The following ABAT variants were observed in gnomAD, a reference collection of about 807,000 sequenced individuals.
The protein encoded by ABAT is 4-aminobutyrate aminotransferase, mitochondrial.
ABAT carries 45 observed loss-of-function variants against 64.6 expected under a neutral mutation model. The observed-to-expected ratio is 0.70, with a 90% CI of 0.55 to 0.89. The LOEUF is 0.89. ABAT is among the 40% of genes least tolerant of loss of function. ABAT has a pLI of 0.00. For synonymous variants in ABAT, 297 were observed against 250.5 expected (o/e 1.19, Z -1.75); for missense variants, 633 against 658.4 (o/e 0.96, Z 0.42).
At chr16:8,758,481 A>G (rs1275808443) in intron 6 of ABAT, among the ~76,000 whole-genome samples, 1 of 152,156 alleles carries the variant, frequency 6.6e-6, no homozygotes, top group Non-Finnish European at 1.5e-5. Context: ...GAGGGACCCA[A>G]GGAGGACTGG....
intron 2 of ABAT, among the ~76,000 whole-genome samples, chr16:8,742,255 A>C (rs1427982981): frequency 6.6e-6 from 1 of 152,082 alleles, no homozygotes; most frequent in African/African-American, 2.4e-5. Flanking sequence ...TTCTCTCTGG[A>C]TCCATTCAGC....
In ABAT at chr16:8,783,039, C is replaced by A. The variant is rs765904429; in HGVS notation, c.*1609C>A. On this transcript the variant is annotated 3_prime_UTR_variant, in exon 16 of 16. Coordinates refer to ENST00000268251, the MANE Select transcript of ABAT (RefSeq NM_020686.6). The stretch of plus-strand genomic sequence containing the variant: ...TTTAACATATACAAATTCGTGAATT[C>A]TTGTTCATTTTGCATTCCTGCAGTC... 5 of 151,928 alleles carry A rather than the reference C, an allele frequency of 3.3e-5. No homozygotes were observed. 9.4% of individuals were successfully genotyped at this position (151,928 alleles called of 1,614,324 possible).
At chr16:8,755,473 C>T (rs1253076050) in intron 5 of ABAT, among the ~76,000 whole-genome samples, 1 of 152,224 alleles carries the variant, frequency 6.6e-6, no homozygotes, top group Non-Finnish European at 1.5e-5. Flanking sequence ...TCAAGTCAAA[C>T]AAATGAGGTC....
intron 1 of ABAT, among the ~76,000 whole-genome samples, chr16:8,700,150 G>A (rs2057787807): frequency 6.6e-6 from 1 of 152,028 alleles, no homozygotes; most frequent in Non-Finnish European, 1.5e-5. Flanking sequence ...TGCTTGTCCT[G>A]AACGCACACT....
intron 6 of ABAT, among the ~76,000 whole-genome samples, chr16:8,763,372 C>T (rs1352234245): frequency 2.0e-5 from 3 of 152,110 alleles, no homozygotes; most frequent in South Asian, 4.1e-4. Flanking sequence ...ACTGAGTGAT[C>T]GTGAAGCAGA....
chr16:8,749,647 C>T (rs2059424207), intron 4 of ABAT, among the ~76,000 whole-genome samples: 1 of 151,916 alleles, frequency 6.6e-6, no homozygotes, highest in South Asian at 2.1e-4. Flanking sequence ...CCACCTGCCT[C>T]AGCTTCCCAA....
chr16:8,737,236 TG>T (rs2058970552), intron 2 of ABAT: 2 of 152,258 alleles, frequency 1.3e-5, no homozygotes, highest in South Asian at 4.1e-4. Context: ...CCCAGCACTT[TG>T]GGAGGCGAGG....
At chr16:8,761,280 AC>A (rs1206807087) in intron 6 of ABAT, among the ~76,000 whole-genome samples, 1 of 146,990 alleles carries the variant, frequency 6.8e-6, no homozygotes, top group Non-Finnish European at 1.5e-5. Flanking sequence ...TCTGCCAGCA[AC>A]CTCTCCCCAT....
At chr16:8,778,776 C>CAAAAA (rs71152934) in intron 14 of ABAT, among the ~76,000 whole-genome samples, 8 of 133,640 alleles carry the variant, frequency 6.0e-5, no homozygotes, top group African/African-American at 2.0e-4. Flanking sequence ...GACTCCATCT[C>CAAAAA]AAAAAAAAAA....
At chr16:8,722,050 G>A (rs974945440) in intron 1 of ABAT, among the ~76,000 whole-genome samples, 3 of 152,260 alleles carry the variant, frequency 2.0e-5, no homozygotes, top group African/African-American at 4.8e-5. Flanking sequence ...ATTTACTGAT[G>A]GATTTAAATT....
chr16:8,750,051 C>T (rs191128907), intron 4 of ABAT, among the ~76,000 whole-genome samples: 36 of 152,324 alleles, frequency 2.4e-4, no homozygotes, highest in African/African-American at 8.2e-4. Flanking sequence ...TAAGTGAGTA[C>T]TTTGCAGTGT....
chr16:8,763,454 C>A (rs1330068923), intron 6 of ABAT, among the ~76,000 whole-genome samples: 2 of 152,236 alleles, frequency 1.3e-5, no homozygotes, highest in Non-Finnish European at 2.9e-5. Flanking sequence ...GGAGAATCAT[C>A]TCTGGGAACC....
At chr16:8,721,993 A>C (rs2058385799) in intron 1 of ABAT, among the ~76,000 whole-genome samples, 1 of 152,240 alleles carries the variant, frequency 6.6e-6, no homozygotes, top group African/African-American at 2.4e-5. Context: ...GCTGAAACAA[A>C]AATTACCAGC....
intron 4 of ABAT, 23 bp from the exon 5 acceptor site, chr16:8,750,399 A>G: frequency 6.3e-7 from 1 of 1,594,952 alleles, no homozygotes; most frequent in East Asian, 2.2e-5. Flanking sequence ...AGTGAGCCTG[A>G]GTTGGTCTTT....
At chr16:8,770,732 T>C (rs2060082413) in intron 11 of ABAT, among the ~76,000 whole-genome samples, 1 of 152,186 alleles carries the variant, frequency 6.6e-6, no homozygotes, top group Non-Finnish European at 1.5e-5. Flanking sequence ...TGAGCCACCG[T>C]GCGTGGCCAG....
chr16:8,761,361 C>T (rs148371752), intron 6 of ABAT, among the ~76,000 whole-genome samples: 2 of 152,334 alleles, frequency 1.3e-5, no homozygotes, highest in Admixed American at 6.5e-5. Context: ...TGGAACCCTT[C>T]CCTGGTACTT....
At chr16:8,739,767 G>GA (rs869087619) in intron 2 of ABAT, among the ~76,000 whole-genome samples, 1 of 35,138 alleles carries the variant, frequency 2.8e-5, no homozygotes, top group Non-Finnish European at 8.2e-5. Flanking sequence ...CAAAAAAACA[G>GA]AAAAAATAGA....
At chr16:8,747,092 C>G (rs1159128477) in intron 3 of ABAT, among the ~76,000 whole-genome samples, 2 of 152,192 alleles carry the variant, frequency 1.3e-5, no homozygotes, top group South Asian at 2.1e-4. Flanking sequence ...CTGCTGAGGC[C>G]TGGGTTCCGC....
chr16:8,733,521 C>G (rs1298224511), intron 1 of ABAT, among the ~76,000 whole-genome samples: 1 of 151,930 alleles, frequency 6.6e-6, no homozygotes, highest in Admixed American at 6.5e-5. Flanking sequence ...GATCACGCCG[C>G]TGCACTCCAG....
Sources: gnomAD v4.1 joint callset for allele counts (sites outside exome capture counted in the v4.1 genomes callset) on GRCh38, gnomAD v4.1.1 for gene constraint, MANE v1.5 for transcripts, NCBI Gene and HGNC (gene_info 2026-07-23, HGNC 2026-07-21) for gene names.